The following FOXJ3 variants were observed in gnomAD, a reference collection of about 807,000 sequenced individuals.
FOXJ3 encodes the protein forkhead box protein J3.
A neutral mutation model predicts 76.1 loss-of-function variants in FOXJ3; 22 were observed. The ratio of observed to expected loss-of-function variants is 0.29; its 90% CI spans 0.21 to 0.41. The LOEUF (loss-of-function observed/expected upper bound fraction) is 0.41, where lower values mean the gene tolerates loss of function less well. Ranked by LOEUF, FOXJ3 falls within the 10% of genes least tolerant of loss-of-function variation. FOXJ3 has a pLI of 1.00. For synonymous variants in FOXJ3, 269 were observed against 261.2 expected (o/e 1.03, Z -0.29); for missense variants, 613 against 762.1 (o/e 0.80, Z 2.30).
intron 6 of FOXJ3, among the ~76,000 whole-genome samples, chr1:42,201,829 T>G (rs1371679309): frequency 6.6e-6 from 1 of 152,188 alleles, no homozygotes; most frequent in Non-Finnish European, 1.5e-5. Context: ...TAAGAATTCC[T>G]TGAAGCTTGC....
At chr1:42,310,303 G>A (rs1654726733) in intron 2 of FOXJ3, among the ~76,000 whole-genome samples, 1 of 151,786 alleles carries the variant, frequency 6.6e-6, no homozygotes, top group Admixed American at 6.6e-5. Context: ...GTGCAAACAT[G>A]CCCAGCTAAT....
At chr1:42,230,953 A>G (rs1005728891) in intron 4 of FOXJ3, among the ~76,000 whole-genome samples, 9 of 152,174 alleles carry the variant, frequency 5.9e-5, no homozygotes, top group African/African-American at 2.2e-4. Context: ...CCAAGTGTGC[A>G]TTGAAGGATA....
Position 42,195,084 on chromosome 1 carries a change from C to T in FOXJ3, c.760-20G>A, listed in dbSNP as rs541152620. 64 of 1,570,690 alleles carry T rather than the reference C, an allele frequency of 4.1e-5. No individual in the cohort carries two copies. In the African/African-American group the frequency reaches 7.3e-4, roughly 18 times the overall value. On this transcript the variant is annotated intron_variant, in intron 7 of 12. Coordinates refer to ENST00000361346, the MANE Select transcript of FOXJ3 (RefSeq NM_014947.5). ...TGTCACCTAACATTAAAAGAAAACACAACTAATTCAGCCTCTCTACTAATT... is the reference window on the plus strand; with the variant it reads ...TGTCACCTAACATTAAAAGAAAACATAACTAATTCAGCCTCTCTACTAATT...
At chr1:42,257,347 A>G (rs968074978) in intron 4 of FOXJ3, among the ~76,000 whole-genome samples, 2 of 152,190 alleles carry the variant, frequency 1.3e-5, no homozygotes. Context: ...TGTCACTGTT[A>G]AGTAGAAGAG....
chr1:42,293,452 A>C (rs1653573144), intron 2 of FOXJ3, among the ~76,000 whole-genome samples: 1 of 152,156 alleles, frequency 6.6e-6, no homozygotes, highest in African/African-American at 2.4e-5. Flanking sequence ...TGCAAACTTA[A>C]AACAACAAGA....
At chr1:42,318,644 C>T (rs1042597983) in intron 1 of FOXJ3, among the ~76,000 whole-genome samples, 21 of 152,054 alleles carry the variant, frequency 1.4e-4, no homozygotes, top group African/African-American at 2.2e-4. Context: ...TGCACTCAGC[C>T]GGGAAATACA....
intron 1 of FOXJ3, among the ~76,000 whole-genome samples, chr1:42,319,331 A>G (rs1185050223): frequency 1.3e-5 from 2 of 152,246 alleles, no homozygotes; most frequent in African/African-American, 4.8e-5. Context: ...TTGACAATAA[A>G]AAGGAATAAA....
chr1:42,286,752 G>C (rs898922250), intron 2 of FOXJ3, among the ~76,000 whole-genome samples: 2 of 152,006 alleles, frequency 1.3e-5, no homozygotes, highest in South Asian at 2.1e-4. Flanking sequence ...TCTTGCCTCA[G>C]CCTCCCGAGT....
intron 4 of FOXJ3, among the ~76,000 whole-genome samples, chr1:42,253,919 T>C (rs1456295169): frequency 1.3e-5 from 2 of 151,644 alleles, no homozygotes; most frequent in African/African-American, 4.8e-5. Flanking sequence ...ACTTCATGTC[T>C]AAAACACCAA....
intron 4 of FOXJ3, among the ~76,000 whole-genome samples, chr1:42,229,106 A>G (rs1647845419): frequency 6.6e-6 from 1 of 152,112 alleles, no homozygotes. Flanking sequence ...TGTAATACCT[A>G]CCATACCAAT....
chr1:42,237,512 C>T (rs1648782106), intron 4 of FOXJ3, among the ~76,000 whole-genome samples: 2 of 146,280 alleles, frequency 1.4e-5, no homozygotes, highest in Admixed American at 1.4e-4. Context: ...TGTTATTAGA[C>T]TTTTTAATAT....
At chr1:42,219,538 C>T (rs929206681) in intron 5 of FOXJ3, among the ~76,000 whole-genome samples, 2 of 152,174 alleles carry the variant, frequency 1.3e-5, no homozygotes, top group African/African-American at 4.8e-5. Context: ...AAATGATACC[C>T]TCATGACTTT....
At chr1:42,216,257 G>A (rs343361) in intron 5 of FOXJ3, among the ~76,000 whole-genome samples, 106,215 of 151,716 alleles carry the variant, frequency 0.7, 37,920 homozygotes, top group Admixed American at 0.8. Context: ...GGTGGCTCAC[G>A]CCTGTAATCC....
At chr1:42,184,067 T>C (rs1646384393) in intron 11 of FOXJ3, among the ~76,000 whole-genome samples, 1 of 152,056 alleles carries the variant, frequency 6.6e-6, no homozygotes, top group Non-Finnish European at 1.5e-5. Flanking sequence ...CTGGTACGAG[T>C]GACGTGGGGC....
intron 2 of FOXJ3, among the ~76,000 whole-genome samples, chr1:42,287,875 G>T (rs1653162199): frequency 6.6e-6 from 1 of 152,004 alleles, no homozygotes; most frequent in African/African-American, 2.4e-5. Context: ...AAGAGTGGGA[G>T]GATCACCTGA....
chr1:42,303,260 A>G (rs565217808), intron 2 of FOXJ3, among the ~76,000 whole-genome samples: 1 of 152,178 alleles, frequency 6.6e-6, no homozygotes, highest in African/African-American at 2.4e-5. Flanking sequence ...ACTTAACTTT[A>G]CCTCAGTTTC....
intron 4 of FOXJ3, among the ~76,000 whole-genome samples, chr1:42,255,375 C>T (rs1650499394): frequency 6.6e-6 from 1 of 152,048 alleles, no homozygotes; most frequent in African/African-American, 2.4e-5. Flanking sequence ...TAAAAGAGGA[C>T]ACTAAGAAGT....
At chr1:42,201,089 A>AAACTATCTGCGGCTAGT (rs140799143) in intron 6 of FOXJ3, among the ~76,000 whole-genome samples, 1 of 151,944 alleles carries the variant, frequency 6.6e-6, no homozygotes, top group African/African-American at 2.4e-5. Context: ...TTTTATTTTC[A>AAACTATCTGCGGCTAGT]AGGCAGAAAT....
intron 4 of FOXJ3, among the ~76,000 whole-genome samples, chr1:42,228,420 A>T (rs1420905401): frequency 6.6e-6 from 1 of 152,164 alleles, no homozygotes; most frequent in African/African-American, 2.4e-5. Flanking sequence ...CTGAGAAGCA[A>T]TGATACGTAC....
Sources: gnomAD v4.1 joint callset for allele counts (sites outside exome capture counted in the v4.1 genomes callset) on GRCh38, gnomAD v4.1.1 for gene constraint, MANE v1.5 for transcripts, NCBI Gene and HGNC (gene_info 2026-07-23, HGNC 2026-07-21) for gene names.